Variants in CSMD2 observed in about 807,000 individuals in gnomAD.
The protein encoded by CSMD2 is CUB and sushi domain-containing protein 2.
CSMD2 carries 130 observed loss-of-function variants against 398.5 expected under a neutral mutation model. The observed-to-expected ratio is 0.33, with a 90% CI of 0.28 to 0.38. The LOEUF is 0.38. CSMD2 is among the 10% of genes least tolerant of loss of function. The pLI is 1.00. For missense variants in CSMD2, 3,829 were observed against 4,764.9 expected, an observed-to-expected ratio of 0.80 and a Z score of 5.78; for synonymous variants, 1,828 against 1,908.5, an observed-to-expected ratio of 0.96 and a Z score of 1.10.
intron 4 of CSMD2, among the ~76,000 whole-genome samples, chr1:33,929,672 G>A (rs771196906): frequency 4.0e-5 from 6 of 151,876 alleles, no homozygotes; most frequent in African/African-American, 7.3e-5. Context: ...TCCTGATCTC[G>A]CGATCTGCCC....
chr1:33,587,979 C>T (rs1174566318), intron 44 of CSMD2, among the ~76,000 whole-genome samples: 1 of 152,158 alleles, frequency 6.6e-6, no homozygotes, highest in East Asian at 1.9e-4. Flanking sequence ...TTAATAAATA[C>T]AAATATAGTA....
intron 6 of CSMD2, among the ~76,000 whole-genome samples, chr1:33,827,087 C>A (rs1658911019): frequency 6.6e-6 from 1 of 152,218 alleles, no homozygotes; most frequent in Admixed American, 6.5e-5. Flanking sequence ...TGTCTATCAT[C>A]CTGATTCAAG....
chr1:33,556,980 C>T (rs1658049049), intron 55 of CSMD2, among the ~76,000 whole-genome samples: 1 of 152,154 alleles, frequency 6.6e-6, no homozygotes, highest in Non-Finnish European at 1.5e-5. Flanking sequence ...CAGTCTTGGG[C>T]AGTTCTTTAT....
At chr1:34,069,612 C>T (rs1046940127) in intron 2 of CSMD2, among the ~76,000 whole-genome samples, 1 of 152,142 alleles carries the variant, frequency 6.6e-6, no homozygotes, top group Admixed American at 6.5e-5. Context: ...CACATGGAGA[C>T]TATAAGATGC....
Position 33,533,378 on chromosome 1 carries a change from C to G in CSMD2, c.9992-149G>C. 1.4e-6 allele frequency: 1 copy of G among 732,396 alleles called. No individual in the cohort carries two copies. Among genetic ancestry groups the G allele is most frequent in the Non-Finnish European group, 2.2e-6 (1 of 448,620 alleles). The allele number at this position is 732,396 out of a possible 1,614,324, so 45.4% of individuals were successfully genotyped here. A position where few individuals can be genotyped will look rare whatever the true frequency, so the allele number is the denominator to read the frequency against. On this transcript the variant is annotated intron_variant, in intron 63 of 70. Coordinates refer to ENST00000373381, the MANE Select transcript of CSMD2 (RefSeq NM_001281956.2). This position sits in a 1 kb window ranked among gnomAD's most constrained non-coding sequence, Gnocchi z 4.2. ...AGCATCCCCCTCCCTAATCCTCCAC[C>G]CTAACCCAAGCTCTGTGTCTAGAGG...
intron 29 of CSMD2, among the ~76,000 whole-genome samples, chr1:33,640,520 T>C (rs1643046599): frequency 6.6e-6 from 1 of 152,206 alleles, no homozygotes; most frequent in South Asian, 2.1e-4. Context: ...GTGGCTGCCT[T>C]TAGCATTACG....
chr1:33,750,588 A>G (rs1648085024), intron 13 of CSMD2, among the ~76,000 whole-genome samples: 1 of 152,212 alleles, frequency 6.6e-6, no homozygotes, highest in Non-Finnish European at 1.5e-5. Context: ...ATTAAATACT[A>G]AAACATATTA....
intron 1 of CSMD2, among the ~76,000 whole-genome samples, chr1:34,146,775 A>G (rs1639801755): frequency 6.6e-6 from 1 of 152,172 alleles, no homozygotes; most frequent in Non-Finnish European, 1.5e-5. Flanking sequence ...GTGGGCCACA[A>G]AAGTTTGGGA....
intron 1 of CSMD2, among the ~76,000 whole-genome samples, chr1:34,162,327 G>A (rs1641419418): frequency 6.6e-6 from 1 of 152,008 alleles, no homozygotes; most frequent in African/African-American, 2.4e-5. Flanking sequence ...GGGTGGGTGA[G>A]GAGACTCCCC....
At chr1:33,781,421 T>C (rs1652752037) in intron 12 of CSMD2, among the ~76,000 whole-genome samples, 1 of 152,248 alleles carries the variant, frequency 6.6e-6, no homozygotes, top group Non-Finnish European at 1.5e-5. Context: ...AAGGCAGAGA[T>C]TGTCTTGCTG....
At chr1:33,868,729 C>G (rs2125137393) in intron 5 of CSMD2, among the ~76,000 whole-genome samples, 1 of 114,306 alleles carries the variant, frequency 8.7e-6, no homozygotes, top group South Asian at 4.3e-4. Flanking sequence ...GAGTGAGACT[C>G]CATCTTAACA....
Position 33,847,013 on chromosome 1 carries a change from C to A in CSMD2, c.921-17G>T. 1 of 1,561,886 alleles carries A rather than the reference C, an allele frequency of 6.4e-7. No individual in the cohort carries two copies. ...CCGGTGAACCTGTGGGAACAGGAAGCAGATGGGCTCAGGGACCAGAGCTGA... is the reference window on the plus strand; with the variant it reads ...CCGGTGAACCTGTGGGAACAGGAAGAAGATGGGCTCAGGGACCAGAGCTGA... On this transcript the variant is annotated splice_polypyrimidine_tract_variant and intron_variant, in intron 5 of 70. Transcript: ENST00000373381.
At chr1:34,098,877 T>TA (rs1258794915) in intron 1 of CSMD2, among the ~76,000 whole-genome samples, 2 of 151,828 alleles carry the variant, frequency 1.3e-5, no homozygotes, top group African/African-American at 4.9e-5. Flanking sequence ...CTGTGGAGGA[T>TA]ACTACAAGAT....
intron 4 of CSMD2, among the ~76,000 whole-genome samples, chr1:33,926,668 C>T (rs569417770): frequency 6.6e-6 from 1 of 152,190 alleles, no homozygotes; most frequent in Non-Finnish European, 1.5e-5. Flanking sequence ...ACACCATAGT[C>T]CTAAAATATT....
intron 35 of CSMD2, 149 bp from the exon 36 acceptor site, chr1:33,623,615 T>TA (rs2148879430): frequency 4.8e-6 from 3 of 619,804 alleles, no homozygotes; most frequent in Non-Finnish European, 8.6e-6. Context: ...TCAATAAAAG[T>TA]AAGATGCAGA....
Position 33,743,454 on chromosome 1 carries a change from G to T in CSMD2, c.1999C>A (p.Pro667Thr), listed in dbSNP as rs760135127. The change falls in exon 14 of 71, where the codon CCT (proline) becomes ACT (threonine). Residue 667 changes from proline (P) to threonine (T), a missense_variant. Coordinates refer to ENST00000373381, the MANE Select transcript of CSMD2 (RefSeq NM_001281956.2). ...TTGATGACCAGGAAATCAAACTGAG[G>T]CTCCACGTCAATGTCGTTGAAGGCC... Reference protein sequence around the residue: ...HLAFNDIDVEPQFDFLVIKDG... With the variant: ...HLAFNDIDVETQFDFLVIKDG... 4 of 1,614,180 alleles carry T rather than the reference G, an allele frequency of 2.5e-6. No individual in the cohort carries two copies. Among genetic ancestry groups the T allele is most frequent in the Non-Finnish European group, 3.4e-6 (4 of 1,180,034 alleles).
chr1:33,669,514 C>T (rs1644422282), intron 25 of CSMD2, among the ~76,000 whole-genome samples: 1 of 152,170 alleles, frequency 6.6e-6, no homozygotes, highest in Non-Finnish European at 1.5e-5. Context: ...CTGGGCTTCC[C>T]CAGTTGCCTT....
chr1:33,627,162 A>C (rs1234534164), intron 32 of CSMD2, among the ~76,000 whole-genome samples: 1 of 152,224 alleles, frequency 6.6e-6, no homozygotes, highest in African/African-American at 2.4e-5. Context: ...AAGTGCTATC[A>C]ATAGTTATGG....
intron 2 of CSMD2, among the ~76,000 whole-genome samples, chr1:34,034,926 G>A (rs4653380): frequency 0.1 from 15,455 of 151,994 alleles, 883 homozygotes; most frequent in East Asian, 0.2. Context: ...GTAAACAGGA[G>A]GAAAAGAGCA....
Sources: gnomAD v4.1 joint callset for allele counts (sites outside exome capture counted in the v4.1 genomes callset) on GRCh38, gnomAD v4.1.1 for gene constraint, Gnocchi (gnomAD v3.1) non-coding constraint, MANE v1.5 for transcripts, NCBI Gene and HGNC (gene_info 2026-07-23, HGNC 2026-07-21) for gene names.